LRRC4C: variants seen among roughly 807,000 people sequenced by gnomAD.
LRRC4C encodes leucine-rich repeat-containing protein 4C.
A neutral mutation model predicts 33.6 loss-of-function variants in LRRC4C; 5 were observed. That is an observed-to-expected ratio of 0.15 (90% CI 0.08 to 0.31). The LOEUF (loss-of-function observed/expected upper bound fraction) is 0.31, where lower values mean the gene tolerates loss of function less well. LRRC4C is among the 10% of genes least tolerant of loss of function. LRRC4C has a pLI of 1.00. For synonymous variants in LRRC4C, 329 were observed against 302.0 expected (o/e 1.09, Z -0.93); for missense variants, 560 against 796.7 (o/e 0.70, Z 3.58).
At chr11:41,123,261 G>GTTTTTTTTTT (rs1217714729) in intron 1 of LRRC4C, among the ~76,000 whole-genome samples, 15 of 48,104 alleles carry the variant, frequency 3.1e-4, no homozygotes, top group African/African-American at 8.1e-4. Context: ...GCTATGTTTT[G>GTTTTTTTTTT]TTTTTTTTTT....
At chr11:40,461,394 G>A (rs926537168) in intron 3 of LRRC4C, among the ~76,000 whole-genome samples, 2 of 152,018 alleles carry the variant, frequency 1.3e-5, no homozygotes, top group Non-Finnish European at 2.9e-5. Flanking sequence ...GTGGCCATAG[G>A]CAAGAGTTGT....
intron 1 of LRRC4C, among the ~76,000 whole-genome samples, chr11:41,080,258 T>C (rs1414031865): frequency 6.6e-6 from 1 of 151,838 alleles, no homozygotes; most frequent in Non-Finnish European, 1.5e-5. Flanking sequence ...ACAGAGGAAG[T>C]GATAGTGTTT....
intron 1 of LRRC4C, among the ~76,000 whole-genome samples, chr11:41,279,423 CACACA>C (rs1565542375): frequency 7.0e-6 from 1 of 142,096 alleles, no homozygotes; most frequent in African/African-American, 2.7e-5. Context: ...CACACACACA[CACACA>C]CCGTGGCAAT....
intron 3 of LRRC4C, among the ~76,000 whole-genome samples, chr11:40,346,335 G>A (rs573503246): frequency 6.6e-6 from 1 of 152,168 alleles, no homozygotes; most frequent in African/African-American, 2.4e-5. Context: ...TAAAGAAAAT[G>A]TGATACATAT....
chr11:41,262,399 C>G (rs1949010800), intron 1 of LRRC4C, among the ~76,000 whole-genome samples: 1 of 84,370 alleles, frequency 1.2e-5, no homozygotes, highest in African/African-American at 4.3e-5. Flanking sequence ...CGGACATGAA[C>G]AGTTGATTAA....
At chr11:40,619,331 C>T (rs1017102777) in intron 3 of LRRC4C, among the ~76,000 whole-genome samples, 5 of 151,650 alleles carry the variant, frequency 3.3e-5, no homozygotes, top group African/African-American at 1.2e-4. Flanking sequence ...ATGGCTATCC[C>T]ATTCTTCATG....
At chr11:40,370,090 C>T (rs1318938011) in intron 3 of LRRC4C, among the ~76,000 whole-genome samples, 3 of 152,058 alleles carry the variant, frequency 2.0e-5, no homozygotes, top group Non-Finnish European at 4.4e-5. Flanking sequence ...AAGTGATTCC[C>T]TTTAGAATTC....
chr11:40,612,403 G>C (rs2135893259), intron 3 of LRRC4C, among the ~76,000 whole-genome samples: 1 of 151,796 alleles, frequency 6.6e-6, no homozygotes, highest in Middle Eastern at 3.4e-3. Context: ...GTAATGAGGA[G>C]GTATTGTTCA....
At chr11:41,064,536 G>A (rs1938060356) in intron 1 of LRRC4C, among the ~76,000 whole-genome samples, 1 of 152,196 alleles carries the variant, frequency 6.6e-6, no homozygotes, top group South Asian at 2.1e-4. Flanking sequence ...CTATAGAGGT[G>A]CCTAATTATT....
rs976043336 is a variant in LRRC4C, at chr11:40,682,621, C to T, written c.-406-34343G>A. Reference sequence around the variant, plus strand: ...CGAAACCCAATCTCTACTAAAAATACAAAAATTAGCAGCTGTGGTGGTGAA... The same window carrying T: ...CGAAACCCAATCTCTACTAAAAATATAAAAATTAGCAGCTGTGGTGGTGAA... On this transcript the variant is annotated intron_variant, in intron 2 of 6. Coordinates refer to ENST00000528697, the MANE Select transcript of LRRC4C (RefSeq NM_001258419.2). Among the ~76,000 whole-genome samples, 20 of 151,890 alleles carry T rather than the reference C, an allele frequency of 1.3e-4. 1 individual carries two copies. The highest frequency in any genetic ancestry group is 1.2e-3 in the Admixed American group (19 of 15,234).
intron 2 of LRRC4C, among the ~76,000 whole-genome samples, chr11:40,775,614 G>A (rs1005129048): frequency 2.6e-5 from 4 of 152,106 alleles, no homozygotes; most frequent in Admixed American, 2.6e-4. Context: ...TACTGATTTT[G>A]GAGCATTGAT....
At chr11:40,343,474 T>C (rs1946967355) in intron 3 of LRRC4C, among the ~76,000 whole-genome samples, 1 of 152,198 alleles carries the variant, frequency 6.6e-6, no homozygotes, top group Non-Finnish European at 1.5e-5. Flanking sequence ...ATAAGCATAG[T>C]ACCTGATGGG....
At chr11:40,919,912 G>T (rs1344047482) in intron 2 of LRRC4C, among the ~76,000 whole-genome samples, 3 of 151,962 alleles carry the variant, frequency 2.0e-5, no homozygotes, top group Non-Finnish European at 4.4e-5. Flanking sequence ...AATAATTTTT[G>T]ATCAGTTTAC....
chr11:41,010,879 A>T (rs182054586), intron 1 of LRRC4C, among the ~76,000 whole-genome samples: 378 of 152,274 alleles, frequency 2.5e-3, no homozygotes, highest in African/African-American at 7.8e-3. Context: ...AAACTTGCCA[A>T]ATGAGTCTTG....
At chr11:41,185,951 A>G (rs112946106) in intron 1 of LRRC4C, among the ~76,000 whole-genome samples, 7 of 152,198 alleles carry the variant, frequency 4.6e-5, no homozygotes, top group African/African-American at 1.7e-4. Flanking sequence ...GTATATATGT[A>G]ATAATTAGGA....
At chr11:41,218,253 C>A (rs747584018) in intron 1 of LRRC4C, among the ~76,000 whole-genome samples, 1 of 151,798 alleles carries the variant, frequency 6.6e-6, no homozygotes, top group African/African-American at 2.4e-5. Context: ...AATAAGTGAA[C>A]AATCCTTGTC....
chr11:41,193,798 G>C (rs570655319), intron 1 of LRRC4C, among the ~76,000 whole-genome samples: 23 of 150,630 alleles, frequency 1.5e-4, no homozygotes, highest in African/African-American at 5.6e-4. Flanking sequence ...ATTCAAGACT[G>C]ATTTTGCCTT....
chr11:41,388,124 G>C (rs1405781685), intron 1 of LRRC4C, among the ~76,000 whole-genome samples: 1 of 151,640 alleles, frequency 6.6e-6, no homozygotes, highest in Non-Finnish European at 1.5e-5. Flanking sequence ...ATTTATGCCT[G>C]GTATTTGAAA....
At chr11:40,744,754 C>T (rs774203063) in intron 2 of LRRC4C, among the ~76,000 whole-genome samples, 1 of 152,240 alleles carries the variant, frequency 6.6e-6, no homozygotes, top group Non-Finnish European at 1.5e-5. Context: ...AATGGCAATG[C>T]TATGCTGTAA....
Sources: gnomAD v4.1 joint callset for allele counts (sites outside exome capture counted in the v4.1 genomes callset) on GRCh38, gnomAD v4.1.1 for gene constraint, MANE v1.5 for transcripts, NCBI Gene and HGNC (gene_info 2026-07-23, HGNC 2026-07-21) for gene names.